Variants in MDGA2 observed in about 807,000 individuals in gnomAD.
MDGA2 encodes the protein MAM domain-containing glycosylphosphatidylinositol anchor protein 2.
A neutral mutation model predicts 117.8 loss-of-function variants in MDGA2; 40 were observed. The observed-to-expected ratio is 0.34, with a 90% CI of 0.26 to 0.44. The LOEUF is 0.44. MDGA2 is among the 20% of genes least tolerant of loss of function. MDGA2 has a pLI of 1.00. For missense variants in MDGA2, 1,123 were observed against 1,250.6 expected (o/e 0.90, Z 1.54); for synonymous variants, 452 against 439.0 (o/e 1.03, Z -0.37).
intron 8 of MDGA2, among the ~76,000 whole-genome samples, chr14:47,020,694 C>T (rs2138582319): frequency 6.6e-6 from 1 of 152,284 alleles, no homozygotes; most frequent in Admixed American, 6.5e-5. Flanking sequence ...CCTACTGTGG[C>T]ACTGTCACGT....
chr14:47,143,456 T>A (rs1357632215), intron 4 of MDGA2, among the ~76,000 whole-genome samples: 8 of 152,172 alleles, frequency 5.3e-5, no homozygotes, highest in Admixed American at 5.2e-4. Flanking sequence ...CCTCAGGACT[T>A]ATTAATTCCT....
intron 5 of MDGA2, among the ~76,000 whole-genome samples, chr14:47,117,500 T>C (rs1427964047): frequency 6.6e-6 from 1 of 152,170 alleles, no homozygotes; most frequent in African/African-American, 2.4e-5. Flanking sequence ...GCACGTAACC[T>C]AAATGTGCAT....
chr14:47,616,134 T>C (rs774923111), intron 1 of MDGA2, among the ~76,000 whole-genome samples: 2 of 152,068 alleles, frequency 1.3e-5, no homozygotes, highest in Admixed American at 6.5e-5. Context: ...CTAAAATACA[T>C]TTGACTCTGA....
At chr14:47,474,798 T>C (rs1190223887) in intron 1 of MDGA2, among the ~76,000 whole-genome samples, 2 of 152,172 alleles carry the variant, frequency 1.3e-5, no homozygotes, top group African/African-American at 4.8e-5. Context: ...AAATTGAAAC[T>C]GGACCCCTTC....
chr14:47,649,287 C>A (rs549419584), intron 1 of MDGA2, among the ~76,000 whole-genome samples: 2 of 152,224 alleles, frequency 1.3e-5, no homozygotes, highest in East Asian at 1.9e-4. Flanking sequence ...TATCTATAGA[C>A]AAATTTAAGC....
intron 1 of MDGA2, among the ~76,000 whole-genome samples, chr14:47,650,582 C>T (rs1897621064): frequency 6.6e-6 from 1 of 152,118 alleles, no homozygotes; most frequent in African/African-American, 2.4e-5. Flanking sequence ...TGTGTGAATG[C>T]ACCCTGTGAT....
chr14:47,094,208 A>G (rs556915533), intron 6 of MDGA2, among the ~76,000 whole-genome samples: 2 of 152,162 alleles, frequency 1.3e-5, no homozygotes, highest in Admixed American at 1.3e-4. Context: ...AATTATGTGA[A>G]TGCCACTGCT....
At chr14:46,986,114 G>A (rs1243515699) in intron 8 of MDGA2, among the ~76,000 whole-genome samples, 1 of 152,034 alleles carries the variant, frequency 6.6e-6, no homozygotes, top group Non-Finnish European at 1.5e-5. Context: ...AGGGAAGGTA[G>A]TAACTAGTAT....
intron 1 of MDGA2, among the ~76,000 whole-genome samples, chr14:47,489,284 A>C (rs995510637): frequency 2.6e-5 from 4 of 152,094 alleles, no homozygotes; most frequent in Non-Finnish European, 5.9e-5. Flanking sequence ...AAATTTATAA[A>C]TGAAATTCAT....
chr14:47,057,650 TCCCCTCCCCTCCTTTCCC>T lies in MDGA2; in HGVS notation c.1525+3581_1525+3598del, dbSNP rs1594575383. On this transcript the variant is annotated intron_variant, in intron 7 of 16. Transcript: ENST00000399232. ...TCCCCTCCCCTCCCCTCCTTTCCCC[TCCCCTCCCCTCCTTTCCC>T]CTCCCTTCTTCTCTCCTCTCCAATC... 1.4e-4 allele frequency among the ~76,000 whole-genome samples: 17 copies of T among 125,344 alleles called. No homozygotes were observed. In the East Asian group the frequency reaches 2.9e-3, roughly 22 times the overall value. The allele number at this position is 125,344 out of a possible 152,430, so 82.2% of individuals were successfully genotyped here.
At chr14:47,604,778 T>G (rs1287728705) in intron 1 of MDGA2, among the ~76,000 whole-genome samples, 1 of 152,170 alleles carries the variant, frequency 6.6e-6, no homozygotes, top group Non-Finnish European at 1.5e-5. Context: ...TCTTGCAATT[T>G]CCAAAAAGAC....
At chr14:47,423,781 T>C (rs1456225623) in intron 1 of MDGA2, among the ~76,000 whole-genome samples, 1 of 150,008 alleles carries the variant, frequency 6.7e-6, no homozygotes, top group South Asian at 2.2e-4. Flanking sequence ...ACACACTGTT[T>C]ATTTTATTTA....
At chr14:46,866,392 A>C (rs370299229) in intron 14 of MDGA2, among the ~76,000 whole-genome samples, 31 of 152,192 alleles carry the variant, frequency 2.0e-4, no homozygotes, top group Middle Eastern at 3.4e-3. Flanking sequence ...AAAATCAATT[A>C]AAGATGGATT....
Position 47,251,438 on chromosome 14 carries a change from T to C in MDGA2, c.421-33243A>G, listed in dbSNP as rs571177011. On this transcript the variant is annotated intron_variant, in intron 2 of 16. Transcript: ENST00000399232. Reference sequence around the variant, plus strand: ...ACCTTCAAAAGTTAGAACAGTCCTATTACAGTGTAAGCACTTTATTATATT... The same window carrying C: ...ACCTTCAAAAGTTAGAACAGTCCTACTACAGTGTAAGCACTTTATTATATT... 2.2e-4 allele frequency among the ~76,000 whole-genome samples: 34 copies of C among 152,256 alleles called. No individual in the cohort carries two copies. In the South Asian group the frequency reaches 6.6e-3, roughly 30 times the overall value.
intron 1 of MDGA2, among the ~76,000 whole-genome samples, chr14:47,346,660 A>T (rs1326853389): frequency 6.6e-6 from 1 of 152,184 alleles, no homozygotes; most frequent in Non-Finnish European, 1.5e-5. Context: ...CAACTGGAGT[A>T]AATATTCTTA....
At chr14:47,417,875 G>T (rs1043424785) in intron 1 of MDGA2, among the ~76,000 whole-genome samples, 11 of 151,814 alleles carry the variant, frequency 7.2e-5, no homozygotes, top group African/African-American at 2.7e-4. Flanking sequence ...TACCATGCCA[G>T]GCATATTTCT....
chr14:47,090,707 A>G (rs894223707), intron 6 of MDGA2, among the ~76,000 whole-genome samples: 3 of 152,196 alleles, frequency 2.0e-5, no homozygotes, highest in African/African-American at 4.8e-5. Flanking sequence ...GCTACATTAG[A>G]AAAACCCATG....
intron 1 of MDGA2, among the ~76,000 whole-genome samples, chr14:47,628,982 A>G (rs1444093237): frequency 1.3e-5 from 2 of 152,242 alleles, no homozygotes; most frequent in Non-Finnish European, 2.9e-5. Flanking sequence ...AGGCTGTCAC[A>G]GGCACTGTAG....
intron 1 of MDGA2, among the ~76,000 whole-genome samples, chr14:47,551,356 T>G (rs1184564248): frequency 6.6e-6 from 1 of 152,226 alleles, no homozygotes; most frequent in East Asian, 1.9e-4. Context: ...GATAAACACT[T>G]TTGCTTTCTA....
Sources: gnomAD v4.1 joint callset for allele counts (sites outside exome capture counted in the v4.1 genomes callset) on GRCh38, gnomAD v4.1.1 for gene constraint, MANE v1.5 for transcripts, NCBI Gene and HGNC (gene_info 2026-07-23, HGNC 2026-07-21) for gene names.